The following PDS5A variants were observed in gnomAD, a reference collection of about 807,000 sequenced individuals.
The protein encoded by PDS5A is sister chromatid cohesion protein PDS5 homolog A.
Under a neutral mutation model 167.1 loss-of-function variants are expected in PDS5A, and 42 were observed. The ratio of observed to expected loss-of-function variants is 0.25; its 90% CI spans 0.20 to 0.33. PDS5A has a LOEUF of 0.33. PDS5A is among the 10% of genes least tolerant of loss of function. PDS5A has a pLI of 1.00. For missense variants in PDS5A, 1,033 were observed against 1,605.9 expected (o/e 0.64, Z 6.10); for synonymous variants, 553 against 554.6 (o/e 1.00, Z 0.04).
intron 23 of PDS5A, among the ~76,000 whole-genome samples, chr4:39,864,909 A>G (rs1719299053): frequency 6.6e-6 from 1 of 152,110 alleles, no homozygotes; most frequent in Non-Finnish European, 1.5e-5. Flanking sequence ...CCATTCCCCT[A>G]TTTTTTGTGA....
At chr4:39,886,062 T>G (rs1317954054) in intron 17 of PDS5A, among the ~76,000 whole-genome samples, 1 of 152,178 alleles carries the variant, frequency 6.6e-6, no homozygotes, top group Non-Finnish European at 1.5e-5. Flanking sequence ...CTACCACAAT[T>G]TATTGTAGAG....
chr4:39,937,559 G>GA (rs1560500050), intron 2 of PDS5A, among the ~76,000 whole-genome samples: 1 of 152,018 alleles, frequency 6.6e-6, no homozygotes, highest in African/African-American at 2.4e-5. Context: ...GACCACAGAC[G>GA]AATGCCACCA....
intron 2 of PDS5A, among the ~76,000 whole-genome samples, chr4:39,955,913 G>A (rs748465363): frequency 5.5e-4 from 83 of 152,036 alleles, no homozygotes; most frequent in Non-Finnish European, 1.0e-3. Flanking sequence ...TCAGGAGTTC[G>A]AGACCAGCCT....
At chr4:39,867,054 A>G in intron 22 of PDS5A, 57 bp from the exon 23 acceptor site, 1 of 1,376,842 alleles carries the variant, frequency 7.3e-7, no homozygotes, top group Non-Finnish European at 1.0e-6. Context: ...AATTAAAGGG[A>G]AAATTAATTT....
At chr4:39,949,724 G>A (rs1236967801) in intron 2 of PDS5A, among the ~76,000 whole-genome samples, 1 of 147,038 alleles carries the variant, frequency 6.8e-6, no homozygotes, top group Non-Finnish European at 1.5e-5. Context: ...TACGCAGGAG[G>A]CTGGGGTGGC....
intron 23 of PDS5A, among the ~76,000 whole-genome samples, chr4:39,864,610 A>T (rs569585536): frequency 1.3e-5 from 2 of 152,222 alleles, no homozygotes; most frequent in Non-Finnish European, 2.9e-5. Flanking sequence ...GTTGCTAAGC[A>T]TAGAGAGAAG....
At chr4:39,854,535 A>C (rs1484439539) in intron 26 of PDS5A, among the ~76,000 whole-genome samples, 3 of 152,144 alleles carry the variant, frequency 2.0e-5, no homozygotes, top group African/African-American at 7.2e-5. Flanking sequence ...TGAAGTCTAC[A>C]CTATTAGAAG....
At chr4:39,923,590 C>G (rs946706124) in intron 5 of PDS5A, among the ~76,000 whole-genome samples, 1 of 149,596 alleles carries the variant, frequency 6.7e-6, no homozygotes, top group Non-Finnish European at 1.5e-5. Flanking sequence ...AAGCCATGAT[C>G]GTGCCACTGC....
In PDS5A at chr4:39,964,950, T is replaced by TA. The variant is rs1729840331; in HGVS notation, c.138+11489dup. On this transcript the variant is annotated intron_variant, in intron 2 of 32. Coordinates refer to ENST00000303538, the MANE Select transcript of PDS5A (RefSeq NM_001100399.2). Reference sequence around the variant, plus strand: ...AGAAAGACTCTGTCTCAAAAAATAATAATAATAATAATAAAATAATAATTT... The same window carrying TA: ...AGAAAGACTCTGTCTCAAAAAATAATAAATAATAATAATAAAATAATAATTT... Among the ~76,000 whole-genome samples, 4 of 151,764 alleles carry TA rather than the reference T, an allele frequency of 2.6e-5. No individual in the cohort carries two copies. In the East Asian group the frequency reaches 7.8e-4, roughly 29 times the overall value.
At position 39,976,539 on chromosome 4, in the gene PDS5A, G is replaced by C; in HGVS notation, c.39C>G (p.Leu13=). The C allele has an allele frequency of 6.2e-7, 1 of 1,613,518 alleles. No individual in the cohort carries two copies. Among genetic ancestry groups the C allele is most frequent in the Non-Finnish European group, 8.5e-7 (1 of 1,179,512 alleles). Reference sequence around the variant, plus strand: ...TCCCGTCGGCACTCACGACGCCACAGAGGGCAGTGGCAGGCTTGGGCTGCG... The same window carrying C: ...TCCCGTCGGCACTCACGACGCCACACAGGGCAGTGGCAGGCTTGGGCTGCG... The part of the protein sequence containing the change: ...FTAQPKPATA[L]CGVVSADGKI... The change falls in exon 2 of 33, where the codon CTC becomes CTG. Residue 13 remains leucine, a synonymous_variant. Transcript: ENST00000303538.
At chr4:39,906,113 A>G (rs1723315738) in intron 11 of PDS5A, among the ~76,000 whole-genome samples, 1 of 152,220 alleles carries the variant, frequency 6.6e-6, no homozygotes, top group African/African-American at 2.4e-5. Context: ...TAATCTCAAC[A>G]CTTTGGGAGG....
chr4:39,863,242 A>T, intron 24 of PDS5A, 94 bp downstream of exon 24: 1 of 1,025,126 alleles, frequency 9.8e-7, no homozygotes, highest in South Asian at 1.7e-5. Context: ...ACTTTTGTGC[A>T]TATATTCACA....
Position 39,956,916 on chromosome 4 carries a change from C to T in PDS5A, c.138+19524G>A, listed in dbSNP as rs1394836364. Among the ~76,000 whole-genome samples, 10 of 152,148 alleles carry T rather than the reference C, an allele frequency of 6.6e-5. No homozygotes were observed. The East Asian group carries it at 1.5e-3, about 23-fold the overall frequency. Reference sequence around the variant, plus strand: ...CAAACTCCTGGCCTCAAGTGATCTGCCTTGCCTCAGCCTCCCAAAGTGCTG... The same window carrying T: ...CAAACTCCTGGCCTCAAGTGATCTGTCTTGCCTCAGCCTCCCAAAGTGCTG... On this transcript the variant is annotated intron_variant, in intron 2 of 32. Transcript: ENST00000303538.
At chr4:39,885,876 G>A (rs187387146) in intron 17 of PDS5A, among the ~76,000 whole-genome samples, 6 of 152,202 alleles carry the variant, frequency 3.9e-5, no homozygotes, top group African/African-American at 1.4e-4. Context: ...CATCACCTGA[G>A]CCCAGGAGGT....
rs183979176 is a variant in PDS5A at position 39,852,255 on chromosome 4, A to G, written c.3087-2603T>C. Among the ~76,000 whole-genome samples the G allele has an allele frequency of 1.4e-4, 21 of 152,318 alleles. 1 individual carries two copies. Among genetic ancestry groups the G allele is most frequent in the Admixed American group, 4.6e-4 (7 of 15,284 alleles). ...ACAATACATATATGTATTATAAAAC[A>G]ATATATAATAGATATTAAAACAGCA... On this transcript the variant is annotated intron_variant, in intron 26 of 32. Transcript: ENST00000303538.
At chr4:39,908,574 T>C (rs780092379) in intron 10 of PDS5A, 34 bp from the exon 11 acceptor site, 2 of 1,334,176 alleles carry the variant, frequency 1.5e-6, no homozygotes, top group African/African-American at 2.9e-5. Flanking sequence ...AGGCTAAATG[T>C]TAGCTATGTA....
chr4:39,908,558 A>G lies in PDS5A; in HGVS notation c.1088-18T>C. On this transcript the variant is annotated intron_variant, in intron 10 of 32. Transcript: ENST00000303538. Reference sequence around the variant, plus strand: ...TAAATATTCTGTAATAAGAGAAAAAAAACTTAGGCTAAATGTTAGCTATGT... The same window carrying G: ...TAAATATTCTGTAATAAGAGAAAAAGAACTTAGGCTAAATGTTAGCTATGT... 1 of 1,471,646 alleles carries G rather than the reference A, an allele frequency of 6.8e-7. No individual in the cohort carries two copies. Among genetic ancestry groups the G allele is most frequent in the Non-Finnish European group, 9.4e-7 (1 of 1,063,406 alleles). The allele number at this position is 1,471,646 out of a possible 1,614,324, so 91.2% of individuals were successfully genotyped here.
chr4:39,863,324 A>G lies in PDS5A; in HGVS notation c.2766+12T>C, dbSNP rs771083973. ...AAGATAAGTAATTGACAAAAATAAG[A>G]TTGTTACTTACATTAATAACAAGTG... On this transcript the variant is annotated intron_variant, in intron 24 of 32. Transcript: ENST00000303538. 1.9e-6 allele frequency: 3 copies of G among 1,566,064 alleles called. No individual in the cohort carries two copies. In the African/African-American group the frequency reaches 4.1e-5, roughly 22 times the overall value.
rs975152895 is a variant in PDS5A at position 39,823,149 on chromosome 4, C to G, written c.*2336G>C. 2 of 152,586 alleles carry G rather than the reference C, an allele frequency of 1.3e-5. No homozygotes were observed. Among genetic ancestry groups the G allele is most frequent in the Admixed American group, 6.5e-5 (1 of 15,276 alleles). The allele number at this position is 152,586 out of a possible 1,614,324, so 9.5% of individuals were successfully genotyped here. On this transcript the variant is annotated 3_prime_UTR_variant, in exon 33 of 33. Coordinates refer to ENST00000303538, the MANE Select transcript of PDS5A (RefSeq NM_001100399.2). ...ATTAATTCTCAAATATAAGTCTGCA[C>G]TTTTGTGTTGTAGTTCTCTGAGATG...
Sources: gnomAD v4.1 joint callset for allele counts (sites outside exome capture counted in the v4.1 genomes callset) on GRCh38, gnomAD v4.1.1 for gene constraint, MANE v1.5 for transcripts, NCBI Gene and HGNC (gene_info 2026-07-23, HGNC 2026-07-21) for gene names.